Variants in CDC42SE2 observed in about 807,000 individuals in gnomAD.
CDC42SE2 encodes the protein CDC42 small effector protein 2.
In CDC42SE2, 3 loss-of-function variants were observed where a neutral mutation model predicts 11.5. That is an observed-to-expected ratio of 0.26 (90% CI 0.12 to 0.67). The LOEUF is 0.67. CDC42SE2 is among the 30% of genes least tolerant of loss of function. CDC42SE2 has a pLI of 0.80. For synonymous variants in CDC42SE2, 33 were observed against 34.8 expected (o/e 0.95, Z 0.18); for missense variants, 82 against 106.8 (o/e 0.77, Z 1.02).
chr5:131,221,265 A>G, the CDC42SE2 span, among the ~76,000 whole-genome samples: 1 of 151,832 alleles, frequency 6.6e-6, no homozygotes, highest in East Asian at 1.9e-4. Context: ...ACACAAATTC[A>G]TAAACTTTCA....
chr5:131,240,088 A>G, the CDC42SE2 span, among the ~76,000 whole-genome samples: 1 of 152,194 alleles, frequency 6.6e-6, no homozygotes, highest in Non-Finnish European at 1.5e-5. Context: ...CACTCTAGAA[A>G]TCAGTTATCA....
At chr5:131,377,921 G>C (rs1481881732) in intron 3 of CDC42SE2, among the ~76,000 whole-genome samples, 1 of 152,210 alleles carries the variant, frequency 6.6e-6, no homozygotes, top group Non-Finnish European at 1.5e-5. Flanking sequence ...AATTTTTAGA[G>C]AACTGAGCTG....
intron 2 of CDC42SE2, among the ~76,000 whole-genome samples, chr5:131,325,500 A>G (rs1439700439): frequency 2.2e-5 from 3 of 135,426 alleles, no homozygotes; most frequent in Non-Finnish European, 3.3e-5. Flanking sequence ...TTTTTTTTTG[A>G]AGTAGTAGTC....
At chr5:131,337,264 C>T (rs1004768477) in intron 2 of CDC42SE2, among the ~76,000 whole-genome samples, 5 of 152,138 alleles carry the variant, frequency 3.3e-5, no homozygotes, top group Admixed American at 1.3e-4. Flanking sequence ...GTATCACCAG[C>T]GGTGGCTGCA....
chr5:131,390,924 ATTAC>A (rs1750631838), intron 4 of CDC42SE2, 65 bp from the exon 5 acceptor site: 1 of 983,942 alleles, frequency 1.0e-6, no homozygotes, highest in Non-Finnish European at 1.5e-6. Flanking sequence ...TGGGAAAAGA[ATTAC>A]TTAGTTGCAC....
At chr5:131,310,454 C>T (rs1408482176) in intron 1 of CDC42SE2, among the ~76,000 whole-genome samples, 1 of 151,988 alleles carries the variant, frequency 6.6e-6, no homozygotes, top group Non-Finnish European at 1.5e-5. Flanking sequence ...CTGTAGATGT[C>T]TATTAGGTCT....
intron 3 of CDC42SE2, among the ~76,000 whole-genome samples, chr5:131,367,178 ATATATATCATGTAATGATGCAC>A (rs1749886136): frequency 6.6e-6 from 1 of 151,850 alleles, no homozygotes; most frequent in Non-Finnish European, 1.5e-5. Flanking sequence ...ATGTGTGTGT[ATATATATCATGTAATGATGCAC>A]AACAACAAAC....
intron 3 of CDC42SE2, 61 bp downstream of exon 3, chr5:131,359,608 C>A: frequency 1.6e-6 from 2 of 1,218,950 alleles, no homozygotes; most frequent in Non-Finnish European, 2.4e-6. Flanking sequence ...CACTGGTTCT[C>A]AAACTGAGGA....
the CDC42SE2 span, among the ~76,000 whole-genome samples, chr5:131,226,651 A>C: frequency 4.6e-5 from 7 of 152,194 alleles, no homozygotes; most frequent in African/African-American, 1.2e-4. Context: ...CAGCCAGAGT[A>C]GGGGCTTATG....
chr5:131,309,222 G>C (rs904032310), intron 1 of CDC42SE2, among the ~76,000 whole-genome samples: 2 of 151,910 alleles, frequency 1.3e-5, no homozygotes, highest in African/African-American at 2.4e-5. Context: ...TTTTGTCTTT[G>C]GCTCTCTTTA....
chr5:131,305,269 T>C (rs1243758562), intron 1 of CDC42SE2, among the ~76,000 whole-genome samples: 1 of 152,196 alleles, frequency 6.6e-6, no homozygotes, highest in African/African-American at 2.4e-5. Context: ...CCAGTTTTTG[T>C]CTCTATGTTA....
chr5:131,273,190 C>G (rs985263772), intron 1 of CDC42SE2, among the ~76,000 whole-genome samples: 2 of 143,404 alleles, frequency 1.4e-5, no homozygotes, highest in African/African-American at 5.2e-5. Context: ...GAGTCTTGCT[C>G]TGTTGCCCAG....
At chr5:131,340,486 T>C (rs1197470796) in intron 2 of CDC42SE2, among the ~76,000 whole-genome samples, 2 of 152,204 alleles carry the variant, frequency 1.3e-5, no homozygotes, top group Non-Finnish European at 2.9e-5. Flanking sequence ...AGGGAACTAC[T>C]GTATAGATAT....
intron 3 of CDC42SE2, among the ~76,000 whole-genome samples, chr5:131,360,721 T>C (rs1182682602): frequency 6.6e-6 from 1 of 152,232 alleles, no homozygotes; most frequent in Non-Finnish European, 1.5e-5. Context: ...TGATATTTTA[T>C]TTATATTTGT....
chr5:131,372,817 GAAT>G (rs550076088), intron 3 of CDC42SE2, among the ~76,000 whole-genome samples: 13 of 152,078 alleles, frequency 8.5e-5, no homozygotes, highest in Non-Finnish European at 1.3e-4. Flanking sequence ...CTGCAAATGA[GAAT>G]AATGACACCT....
chr5:131,269,784 G>A (rs1756953130), intron 1 of CDC42SE2, among the ~76,000 whole-genome samples: 1 of 151,676 alleles, frequency 6.6e-6, no homozygotes, highest in Non-Finnish European at 1.5e-5. Context: ...AAACAGGCAG[G>A]GTGCCCTGGC....
At chr5:131,360,761 A>T (rs1357593812) in intron 3 of CDC42SE2, among the ~76,000 whole-genome samples, 1 of 152,128 alleles carries the variant, frequency 6.6e-6, no homozygotes, top group Non-Finnish European at 1.5e-5. Context: ...TAAGGACTAA[A>T]TTTTAAAAAT....
chr5:131,315,531 AG>A (rs937592451), intron 1 of CDC42SE2, among the ~76,000 whole-genome samples: 4 of 152,238 alleles, frequency 2.6e-5, no homozygotes, highest in Admixed American at 6.5e-5. Flanking sequence ...TCCCATCCAC[AG>A]GGTTAGTTAG....
In CDC42SE2 at chr5:131,270,033, C is replaced by T. The variant is rs142643202; in HGVS notation, c.-455+5867C>T. 5.9e-5 allele frequency among the ~76,000 whole-genome samples: 9 copies of T among 151,860 alleles called. No individual in the cohort carries two copies. In the East Asian group the frequency reaches 1.4e-3, roughly 23 times the overall value. ...CTGGGATGGCACCACTCTACTCCAG[C>T]CTGGGCGATGGAGCAAGAGTATCTC... On this transcript the variant is annotated intron_variant, in intron 1 of 4. Coordinates refer to ENST00000505065, the MANE Select transcript of CDC42SE2 (RefSeq NM_001375635.1).
Sources: gnomAD v4.1 joint callset for allele counts (sites outside exome capture counted in the v4.1 genomes callset) on GRCh38, gnomAD v4.1.1 for gene constraint, MANE v1.5 for transcripts, NCBI Gene and HGNC (gene_info 2026-07-23, HGNC 2026-07-21) for gene names.